Variants in CYP11A1 observed in about 807,000 individuals in gnomAD.
CYP11A1 encodes the protein cholesterol side-chain cleavage enzyme, mitochondrial.
Under a neutral mutation model 51.9 loss-of-function variants are expected in CYP11A1, and 25 were observed. The observed-to-expected ratio is 0.48, with a 90% CI of 0.35 to 0.67. The LOEUF is 0.67. CYP11A1 is among the 30% of genes least tolerant of loss of function. The pLI, the probability that CYP11A1 is intolerant of heterozygous loss-of-function variation, is 0.00. For missense variants in CYP11A1, 578 were observed against 680.9 expected, an observed-to-expected ratio of 0.85 and a Z score of 1.68; for synonymous variants, 245 against 262.1, an observed-to-expected ratio of 0.93 and a Z score of 0.63.
At chr15:74,352,062 G>T (rs1367843911) in intron 1 of CYP11A1, among the ~76,000 whole-genome samples, 1 of 152,088 alleles carries the variant, frequency 6.6e-6, no homozygotes, top group Admixed American at 6.5e-5. Flanking sequence ...ATTGTTATAT[G>T]TTGTGTCTAC....
chr15:74,351,386 TA>T (rs1330163373), intron 1 of CYP11A1, among the ~76,000 whole-genome samples: 1 of 152,200 alleles, frequency 6.6e-6, no homozygotes, highest in Non-Finnish European at 1.5e-5. Flanking sequence ...AGCAAACTCA[TA>T]AATGTTTCTG....
chr15:74,345,409 C>A lies in CYP11A1; in HGVS notation c.426-166G>T. ...CTCTCCGAGCACCCTCTGCCTCTCA[C>A]CTCCTCCCTGCTCTGCCTGGCTGGG... On this transcript the variant is annotated intron_variant, in intron 2 of 8. Coordinates refer to ENST00000268053, the MANE Select transcript of CYP11A1 (RefSeq NM_000781.3). This position sits in a 1 kb window ranked among gnomAD's most constrained non-coding sequence, Gnocchi z 4.3. 1 of 689,916 alleles carries A rather than the reference C, an allele frequency of 1.4e-6. No individual in the cohort carries two copies. The highest frequency in any genetic ancestry group is 1.7e-5 in the South Asian group (1 of 58,814). The allele number at this position is 689,916 out of a possible 1,614,324, so 42.7% of individuals were successfully genotyped here.
At chr15:74,361,763 T>C in intron 1 of CYP11A1, 1 of 1,249,342 alleles carries the variant, frequency 8.0e-7, no homozygotes, top group Non-Finnish European at 1.2e-6. Context: ...TATGCCATAA[T>C]GGCACTGGTG....
intron 5 of CYP11A1, among the ~76,000 whole-genome samples, chr15:74,342,296 C>T (rs2060610642): frequency 6.6e-6 from 1 of 152,160 alleles, no homozygotes; most frequent in Non-Finnish European, 1.5e-5. Context: ...GTTGGCCAGG[C>T]TGGTCTCGAA....
At chr15:74,361,631 C>A in intron 1 of CYP11A1, 1 of 1,193,710 alleles carries the variant, frequency 8.4e-7, no homozygotes, top group Non-Finnish European at 1.2e-6. Flanking sequence ...TGTTTGCAGA[C>A]AAGATTCCAA....
chr15:74,367,099 G>A, intron 1 of CYP11A1: 1 of 605,850 alleles, frequency 1.7e-6, no homozygotes, highest in South Asian at 2.0e-5. Flanking sequence ...GTAGATGTCT[G>A]GTTTAGAGTA....
In CYP11A1 at chr15:74,343,885, C is replaced by T. The variant is rs767478304; in HGVS notation, c.733G>A (p.Val245Ile). 7 of 1,613,948 alleles carry T rather than the reference C, an allele frequency of 4.3e-6. No homozygotes were observed. The highest frequency in any genetic ancestry group is 2.2e-5 in the East Asian group (1 of 44,880). Reference protein sequence around the residue: ...DAIYQMFHTSVPMLNLPPDLF... With the variant: ...DAIYQMFHTSIPMLNLPPDLF... ...TCTGGGGGAAGGTTGAGCATGGGGA[C>T]GCTGGTGTGGAACATCTGGTAGATG... The change falls in exon 4 of 9, where the codon GTC (valine) becomes ATC (isoleucine). Residue 245 changes from valine (V) to isoleucine (I), a missense_variant. By Grantham distance (29) the Val-to-Ile change is conservative. Transcript: ENST00000268053.
Position 74,338,714 on chromosome 15 carries a change from C to A in CYP11A1, c.1291G>T (p.Asp431Tyr). ...ALGREPTFFF[D>Y]PENFDPTRWL... Reference sequence around the variant, plus strand: ...CGGGTTGGGTCAAAATTTTCCGGGTCGAAGAAGAAGGTGGGCTCTCGGCCC... The same window carrying A: ...CGGGTTGGGTCAAAATTTTCCGGGTAGAAGAAGAAGGTGGGCTCTCGGCCC... Residue 431 changes from aspartate (D) to tyrosine (Y), a missense_variant, in exon 8 of 9, where the codon GAC becomes TAC. Asp to Tyr is a radical substitution (Grantham distance 160). Transcript: ENST00000268053. 2 of 1,614,144 alleles carry A rather than the reference C, an allele frequency of 1.2e-6. No individual in the cohort carries two copies. Among genetic ancestry groups the A allele is most frequent in the Non-Finnish European group, 1.7e-6 (2 of 1,180,030 alleles).
At chr15:74,354,732 C>T (rs1273335901) in intron 1 of CYP11A1, 1 of 152,636 alleles carries the variant, frequency 6.6e-6, no homozygotes, top group Admixed American at 6.5e-5. Context: ...CTCACTATCT[C>T]TCAACCTCTT....
rs1277133304 is a variant in CYP11A1, at chr15:74,367,610, C to T, written c.-25G>A. The stretch of plus-strand genomic sequence containing the variant: ...TGCTGTCCCCACAGCTGTGACTGTA[C>T]CTGCTCCACTTCAGCGGGGACTGCT... On this transcript the variant is annotated 5_prime_UTR_variant, in exon 1 of 9. Coordinates refer to ENST00000268053, the MANE Select transcript of CYP11A1 (RefSeq NM_000781.3). The T allele has an allele frequency of 3.1e-6, 5 of 1,611,222 alleles. No individual in the cohort carries two copies. The highest frequency in any genetic ancestry group is 2.5e-6 in the Non-Finnish European group (3 of 1,179,154).
At position 74,337,946 on chromosome 15, in the gene CYP11A1, A is replaced by T; in HGVS notation, c.*26T>A. The T allele has an allele frequency of 6.2e-7, 1 of 1,613,222 alleles. No homozygotes were observed. Among genetic ancestry groups the T allele is most frequent in the Non-Finnish European group, 8.5e-7 (1 of 1,179,938 alleles). ...GGCCCCACCCCTGGGCCTTCCTCCC[A>T]TGTGGCTGCAGGCCATCCTCTCTGA... On this transcript the variant is annotated 3_prime_UTR_variant, in exon 9 of 9. Coordinates refer to ENST00000268053, the MANE Select transcript of CYP11A1 (RefSeq NM_000781.3).
At chr15:74,343,285 G>A in intron 4 of CYP11A1, 148 bp from the exon 5 acceptor site, 2 of 737,848 alleles carry the variant, frequency 2.7e-6, no homozygotes, top group South Asian at 1.5e-5. Context: ...CACGTACTCT[G>A]TACTAAGCCC....
chr15:74,340,085 G>A (rs1453636108), intron 5 of CYP11A1, among the ~76,000 whole-genome samples: 1 of 152,134 alleles, frequency 6.6e-6, no homozygotes, highest in Non-Finnish European at 1.5e-5. Flanking sequence ...AATTCCAGAG[G>A]CCCTTAGAGG....
chr15:74,347,876 C>G, intron 2 of CYP11A1, 24 bp downstream of exon 2: 2 of 1,613,130 alleles, frequency 1.2e-6, no homozygotes, highest in Non-Finnish European at 1.7e-6. Flanking sequence ...CCCTCCAGTC[C>G]CTGGGAGATG....
Position 74,367,629 on chromosome 15 carries a change from G to T in CYP11A1, c.-44C>A. The T allele has an allele frequency of 1.2e-6, 2 of 1,602,256 alleles. No homozygotes were observed. The highest frequency in any genetic ancestry group is 1.7e-6 in the Non-Finnish European group (2 of 1,175,302). ...ACTGTACCTGCTCCACTTCAGCGGG[G>T]ACTGCTAGGATGACTGTAGCCCTGG... is the stretch of plus-strand genomic sequence containing the variant. On this transcript the variant is annotated 5_prime_UTR_variant, in exon 1 of 9. Transcript: ENST00000268053.
At chr15:74,343,678 A>G (rs2060618693) in intron 4 of CYP11A1, 111 bp downstream of exon 4, 1 of 972,248 alleles carries the variant, frequency 1.0e-6, no homozygotes, top group South Asian at 1.3e-5. Flanking sequence ...TGCCCGCCAC[A>G]GTGTGGGTTT....
Position 74,347,950 on chromosome 15 carries a change from G to A in CYP11A1, c.375C>T (p.Pro125=). Residue 125 remains proline (P), a synonymous_variant, in exon 2 of 9, where the codon CCC becomes CCT. Transcript: ENST00000268053. ...GPNPERFLIP[P]WVAYHQYYQR... is the part of the protein sequence containing the mutation. ...GGTAATACTGGTGATAGGCGACCCA[G>A]GGCGGGATGAGGAATCGTTCTGGGT... The A allele has an allele frequency of 6.2e-7, 1 of 1,614,228 alleles. No homozygotes were observed. Among genetic ancestry groups the A allele is most frequent in the Non-Finnish European group, 8.5e-7 (1 of 1,180,030 alleles).
chr15:74,365,908 C>G (rs2060730332), intron 1 of CYP11A1: 1 of 985,708 alleles, frequency 1.0e-6, no homozygotes, highest in African/African-American at 1.7e-5. Context: ...TCCAGCGCCC[C>G]CGTAACACCT....
chr15:74,346,791 T>C (rs2141236511), intron 2 of CYP11A1, among the ~76,000 whole-genome samples: 1 of 150,398 alleles, frequency 6.6e-6, no homozygotes, highest in South Asian at 2.1e-4. Context: ...ACGTTTTACC[T>C]TTTCTTTTCT....
Sources: gnomAD v4.1 joint callset for allele counts (sites outside exome capture counted in the v4.1 genomes callset) on GRCh38, gnomAD v4.1.1 for gene constraint, Gnocchi (gnomAD v3.1) non-coding constraint, MANE v1.5 for transcripts, NCBI Gene and HGNC (gene_info 2026-07-23, HGNC 2026-07-21) for gene names.